The following TDRD9 variants were observed in gnomAD, a reference collection of about 807,000 sequenced individuals.
The protein encoded by TDRD9 is ATP-dependent RNA helicase TDRD9.
A neutral mutation model predicts 172.6 loss-of-function variants in TDRD9; 124 were observed. That is an observed-to-expected ratio of 0.72 (90% CI 0.62 to 0.83). The LOEUF (loss-of-function observed/expected upper bound fraction) is 0.83. Among genes scored for constraint, TDRD9 ranks in the 40% least tolerant of loss-of-function variants. The probability of loss-of-function intolerance (pLI) is 0.00; values close to 1 mark genes in which losing one functional copy is unlikely to be tolerated. For synonymous variants in TDRD9, 619 were observed against 617.1 expected, an observed-to-expected ratio of 1.00 and a Z score of -0.05; for missense variants, 1,479 against 1,714.1, an observed-to-expected ratio of 0.86 and a Z score of 2.42.
intron 20 of TDRD9, 66 bp from the exon 21 acceptor site, chr14:104,014,659 A>T: frequency 1.2e-6 from 1 of 847,318 alleles, no homozygotes; most frequent in Non-Finnish European, 2.0e-6. Context: ...CTTATTTTCT[A>T]GTGTTTTCAC....
At chr14:104,033,129 G>A (rs991451143) in intron 30 of TDRD9, among the ~76,000 whole-genome samples, 1 of 152,164 alleles carries the variant, frequency 6.6e-6, no homozygotes, top group African/African-American at 2.4e-5. Context: ...TTCTGAAAGG[G>A]CCGTGAACCT....
intron 1 of TDRD9, among the ~76,000 whole-genome samples, chr14:103,955,425 T>C (rs1490971914): frequency 6.6e-6 from 1 of 152,194 alleles, no homozygotes; most frequent in East Asian, 1.9e-4. Context: ...TTACCATAAA[T>C]GTATCTCTCC....
chr14:103,996,832 G>A (rs1331570703), intron 12 of TDRD9, among the ~76,000 whole-genome samples: 1 of 152,214 alleles, frequency 6.6e-6, no homozygotes, highest in South Asian at 2.1e-4. Flanking sequence ...TGTCAGGGAA[G>A]CACCATTGAG....
intron 34 of TDRD9, among the ~76,000 whole-genome samples, chr14:104,048,675 A>G (rs1054814800): frequency 2.6e-5 from 4 of 151,974 alleles, no homozygotes; most frequent in African/African-American, 9.7e-5. Context: ...TCCATCAGTC[A>G]GGGATGTGTG....
chr14:104,043,242 AT>A lies in TDRD9; in HGVS notation c.3974+1071del, dbSNP rs1180196736. 4.8e-3 allele frequency among the ~76,000 whole-genome samples: 669 copies of A among 139,172 alleles called. 1 individual carries two copies. Among genetic ancestry groups the A allele is most frequent in the African/African-American group, 9.2e-3 (352 of 38,252 alleles). The allele number at this position is 139,172 out of a possible 152,430, so 91.3% of individuals were successfully genotyped here. A position where few individuals can be genotyped will look rare whatever the true frequency, so the allele number is the denominator to read the frequency against. On this transcript the variant is annotated intron_variant, in intron 34 of 35. Coordinates refer to ENST00000409874, the MANE Select transcript of TDRD9 (RefSeq NM_153046.3). Reference sequence around the variant, plus strand: ...TCTTGCTATGTTGCCCAAGCTGGTAATTTTTTTTTTTTTTTTGAGAATGGAG... The same window carrying A: ...TCTTGCTATGTTGCCCAAGCTGGTAATTTTTTTTTTTTTTTGAGAATGGAG...
chr14:103,975,457 CA>C lies in TDRD9; in HGVS notation c.917del (p.Lys306ArgfsTer2), dbSNP rs1374434964. 6.2e-6 allele frequency: 10 copies of C among 1,613,780 alleles called. No individual in the cohort carries two copies. Among genetic ancestry groups the C allele is most frequent in the Admixed American group, 1.7e-5 (1 of 59,992 alleles). ...ACTACTTTGCTGTTCCTGTTCAAAA[CA>C]AGATGAATCCTGCATATATTTTTGA... ...ADYFAVPVQNKMNPAYIFEVE... is the reference protein window; with the variant it reads ...ADYFAVPVQNXMNPAYIFEVE... On this transcript the variant is annotated frameshift_variant, in exon 7 of 36. Transcript: ENST00000409874. LOFTEE classifies it high-confidence loss of function.
chr14:104,034,495 G>C (rs1017147564), intron 31 of TDRD9, among the ~76,000 whole-genome samples: 9 of 152,170 alleles, frequency 5.9e-5, no homozygotes, highest in African/African-American at 2.2e-4. Flanking sequence ...CAGCTTACGT[G>C]CTGTTCTTTT....
intron 34 of TDRD9, among the ~76,000 whole-genome samples, chr14:104,044,175 T>G (rs1319330239): frequency 6.6e-6 from 1 of 152,208 alleles, no homozygotes; most frequent in Non-Finnish European, 1.5e-5. Context: ...GATCCTGTCC[T>G]GTTGCCTCCC....
chr14:103,999,644 A>ATTTAATCTTTTAATCTTCCT lies in TDRD9; in HGVS notation c.1483+916_1483+917insTTTAATCTTTTAATCTTCCT, dbSNP rs1566771663. On this transcript the variant is annotated intron_variant, in intron 13 of 35. Transcript: ENST00000409874. ...CTTTTTTTTTTGTTTGTTTTTTAGAAAACCTTTTGGGAAGGGTAGATAAAA... is the reference window on the plus strand; with the variant it reads ...CTTTTTTTTTTGTTTGTTTTTTAGAATTTAATCTTTTAATCTTCCTAACCTTTTGGGAAGGGTAGATAAAA... 2.8e-4 allele frequency among the ~76,000 whole-genome samples: 33 copies of ATTTAATCTTTTAATCTTCCT among 116,658 alleles called. 1 individual carries two copies. Among genetic ancestry groups the ATTTAATCTTTTAATCTTCCT allele is most frequent in the South Asian group, 5.1e-4 (2 of 3,924 alleles). The allele number at this position is 116,658 out of a possible 152,430, so 76.5% of individuals were successfully genotyped here. A position where few individuals can be genotyped will look rare whatever the true frequency, so the allele number is the denominator to read the frequency against.
chr14:104,047,033 T>A (rs1278102425), intron 34 of TDRD9, among the ~76,000 whole-genome samples: 1 of 152,226 alleles, frequency 6.6e-6, no homozygotes, highest in Admixed American at 6.5e-5. Flanking sequence ...TGTATAAAAA[T>A]CCTTGTTGGA....
chr14:103,960,270 C>A (rs2032447068), intron 2 of TDRD9, among the ~76,000 whole-genome samples: 1 of 152,118 alleles, frequency 6.6e-6, no homozygotes, highest in African/African-American at 2.4e-5. Flanking sequence ...AGTTAAAATT[C>A]CTTACATGCT....
At chr14:103,977,148 CT>C (rs1278150529) in intron 7 of TDRD9, among the ~76,000 whole-genome samples, 2 of 152,048 alleles carry the variant, frequency 1.3e-5, no homozygotes, top group Admixed American at 1.3e-4. Flanking sequence ...AGTAGTATGC[CT>C]TCTGTTTAGA....
intron 24 of TDRD9, 46 bp downstream of exon 24, chr14:104,022,376 A>G (rs1164925221): frequency 6.4e-6 from 10 of 1,569,736 alleles, no homozygotes; most frequent in African/African-American, 2.7e-5. Flanking sequence ...CTGCTTTCAC[A>G]TTCTCAGGTG....
At position 103,970,537 on chromosome 14, in the gene TDRD9, G is replaced by A; in HGVS notation, c.766-4G>A. ...TGGGGGGTGCCCCCTTTTTTATTTTGTAGGTACACGAACGAACAGAAGAAA... is the reference window on the plus strand; with the variant it reads ...TGGGGGGTGCCCCCTTTTTTATTTTATAGGTACACGAACGAACAGAAGAAA... On this transcript the variant is annotated splice_region_variant and splice_polypyrimidine_tract_variant and intron_variant, in intron 5 of 35. Coordinates refer to ENST00000409874, the MANE Select transcript of TDRD9 (RefSeq NM_153046.3). The A allele has an allele frequency of 6.4e-7, 1 of 1,550,770 alleles. No individual in the cohort carries two copies. The highest frequency in any genetic ancestry group is 8.7e-7 in the Non-Finnish European group (1 of 1,146,376).
intron 2 of TDRD9, among the ~76,000 whole-genome samples, chr14:103,959,839 T>C (rs2032427408): frequency 6.6e-6 from 1 of 152,240 alleles, no homozygotes; most frequent in South Asian, 2.1e-4. Flanking sequence ...CCTTACAGTG[T>C]GAGCCTAGTT....
intron 1 of TDRD9, chr14:103,941,432 T>G (rs1566726194): frequency 1.3e-6 from 2 of 1,535,354 alleles, no homozygotes; most frequent in South Asian, 2.4e-5. Context: ...AAGGTTGAAC[T>G]TGTGAGCAAA....
At chr14:103,961,895 A>G (rs1782370719) in intron 2 of TDRD9, among the ~76,000 whole-genome samples, 1 of 152,222 alleles carries the variant, frequency 6.6e-6, no homozygotes, top group South Asian at 2.1e-4. Flanking sequence ...AGGGTGACAC[A>G]GCAGGAGATG....
chr14:104,035,855 G>T (rs963284835), intron 32 of TDRD9, among the ~76,000 whole-genome samples: 4 of 150,866 alleles, frequency 2.7e-5, no homozygotes, highest in Admixed American at 2.0e-4. Flanking sequence ...TGGTGAGCAT[G>T]GAGGGGTGGT....
At chr14:103,938,440 A>ATATTTTT (rs1334417901) in intron 1 of TDRD9, among the ~76,000 whole-genome samples, 2 of 44,548 alleles carry the variant, frequency 4.5e-5, no homozygotes, top group African/African-American at 1.8e-4. Context: ...ATATATATAT[A>ATATTTTT]TTTTTTTTTT....
Sources: allele counts gnomAD v4.1 joint callset (sites outside exome capture counted in the v4.1 genomes callset), GRCh38; gene constraint gnomAD v4.1.1; transcripts MANE v1.5; gene names NCBI Gene and HGNC (gene_info 2026-07-23, HGNC 2026-07-21).